Variants in DIP2C observed in about 807,000 individuals in gnomAD.
DIP2C encodes DIP2 acetate--CoA ligase C (putative), also known as disco-interacting protein 2 homolog C.
Under a neutral mutation model 192.4 loss-of-function variants are expected in DIP2C, and 33 were observed. That is an observed-to-expected ratio of 0.17 (90% confidence interval 0.13 to 0.23). The LOEUF is 0.23. Ranked by LOEUF, DIP2C falls within the 10% of genes least tolerant of loss-of-function variation. The pLI, the probability that DIP2C is intolerant of heterozygous loss-of-function variation, is 1.00. For synonymous variants in DIP2C, 979 were observed against 864.1 expected, an observed-to-expected ratio of 1.13 and a Z score of -2.33; for missense variants, 1,537 against 2,110.1, an observed-to-expected ratio of 0.73 and a Z score of 5.32.
At chr10:578,925 G>A (rs1467733394) in intron 1 of DIP2C, among the ~76,000 whole-genome samples, 1 of 151,202 alleles carries the variant, frequency 6.6e-6, no homozygotes, top group African/African-American at 2.4e-5. Flanking sequence ...GTGCACATAG[G>A]CACACTGTAA....
intron 1 of DIP2C, among the ~76,000 whole-genome samples, chr10:537,239 G>T (rs1237582555): frequency 6.6e-6 from 1 of 152,092 alleles, no homozygotes; most frequent in Admixed American, 6.5e-5. Flanking sequence ...CCGTATGAAG[G>T]AGGCAGTGGG....
intron 1 of DIP2C, among the ~76,000 whole-genome samples, chr10:580,435 G>A (rs1288137294): frequency 1.3e-5 from 2 of 152,088 alleles, no homozygotes; most frequent in African/African-American, 4.8e-5. Flanking sequence ...GTACATATAT[G>A]GCGTTAAATA....
In DIP2C at chr10:274,384, T is replaced by C. The variant is rs1954412536; in HGVS notation, c.*2941A>G. 1 of 152,244 alleles carries C rather than the reference T, an allele frequency of 6.6e-6. No homozygotes were observed. The highest frequency in any genetic ancestry group is 1.5e-5 in the Non-Finnish European group (1 of 68,032). The allele number at this position is 152,244 out of a possible 1,614,324, so 9.4% of individuals were successfully genotyped here. A position where few individuals can be genotyped will look rare whatever the true frequency, so the allele number is the denominator to read the frequency against. ...GTAAACAGAGTCAGATACATTTCCC[T>C]GTAGGAGTCACTTCCTTCCCGGGAT... On this transcript the variant is annotated 3_prime_UTR_variant, in exon 37 of 37. Transcript: ENST00000280886.
chr10:498,808 A>T (rs1845031984), intron 1 of DIP2C, among the ~76,000 whole-genome samples: 1 of 152,190 alleles, frequency 6.6e-6, no homozygotes, highest in Admixed American at 6.5e-5. Context: ...GCCTGAAAAA[A>T]GCTACTGCTG....
In DIP2C at chr10:414,028, C is replaced by G. The variant is rs188023406; in HGVS notation, c.942G>C (p.Thr314=). 2 of 1,614,138 alleles carry G rather than the reference C, an allele frequency of 1.2e-6. No individual in the cohort carries two copies. The highest frequency in any genetic ancestry group is 1.1e-5 in the South Asian group (1 of 91,072). ...AMRGEQLGVV[T]NWPPSLEAAL... Reference sequence around the variant, plus strand: ...CGGCCTCCAGCGACGGCGGCCAGTTCGTGACCACGCCCAGCTGCTCTCCGC... The same window carrying G: ...CGGCCTCCAGCGACGGCGGCCAGTTGGTGACCACGCCCAGCTGCTCTCCGC... The change falls in exon 8 of 37, where the codon ACG becomes ACC. Residue 314 remains threonine, a synonymous_variant. Coordinates refer to ENST00000280886, the MANE Select transcript of DIP2C (RefSeq NM_014974.3).
intron 1 of DIP2C, among the ~76,000 whole-genome samples, chr10:616,849 C>A (rs1367090618): frequency 6.6e-6 from 1 of 152,164 alleles, no homozygotes; most frequent in African/African-American, 2.4e-5. Flanking sequence ...GAGAGGCCGC[C>A]GTGGCCTCTA....
chr10:466,070 C>T lies in DIP2C; in HGVS notation c.268+6369G>A, dbSNP rs181219182. 8.9e-3 allele frequency among the ~76,000 whole-genome samples: 1,311 copies of T among 148,106 alleles called. 49 individuals carry two copies. In the East Asian group the frequency reaches 0.098, roughly 11 times the overall value. On this transcript the variant is annotated intron_variant, in intron 3 of 36. Transcript: ENST00000280886. ...GTTCATATGGAACCAAAAAAGAGCC[C>T]GCATCACCAAGTCAATCCTAAGCCA...
chr10:503,043 G>A (rs1462602279), intron 1 of DIP2C, among the ~76,000 whole-genome samples: 4 of 151,088 alleles, frequency 2.6e-5, no homozygotes, highest in Non-Finnish European at 4.4e-5. Context: ...ACTAACCTGC[G>A]GACTTACCAC....
chr10:560,869 C>G (rs1259060971), intron 1 of DIP2C, among the ~76,000 whole-genome samples: 1 of 152,128 alleles, frequency 6.6e-6, no homozygotes, highest in African/African-American at 2.4e-5. Context: ...AACTTAGACT[C>G]TTAGCCTGAC....
intron 32 of DIP2C, among the ~76,000 whole-genome samples, chr10:293,404 C>T (rs970871272): frequency 6.6e-6 from 1 of 152,104 alleles, no homozygotes; most frequent in Admixed American, 6.5e-5. Flanking sequence ...ATGAATGTGC[C>T]GCTGAAAAAA....
chr10:600,771 T>G (rs925044782), intron 1 of DIP2C, among the ~76,000 whole-genome samples: 6 of 152,234 alleles, frequency 3.9e-5, no homozygotes, highest in Non-Finnish European at 5.9e-5. Context: ...TGGAGGAGTA[T>G]CGTTGTGGAC....
chr10:485,967 G>A (rs1055530539), intron 2 of DIP2C, among the ~76,000 whole-genome samples: 5 of 152,312 alleles, frequency 3.3e-5, no homozygotes, highest in Admixed American at 6.5e-5. Flanking sequence ...AAACGCTGGC[G>A]GGAAACCGAC....
chr10:501,764 C>T (rs754475597), intron 1 of DIP2C, among the ~76,000 whole-genome samples: 2 of 152,094 alleles, frequency 1.3e-5, no homozygotes, highest in Non-Finnish European at 2.9e-5. Context: ...CAGGAATATG[C>T]GTTACACACC....
chr10:685,856 G>T (rs569038725), intron 1 of DIP2C, among the ~76,000 whole-genome samples: 225 of 152,198 alleles, frequency 1.5e-3, no homozygotes, highest in Non-Finnish European at 9.3e-4. Flanking sequence ...AGCTACTCAA[G>T]AAGCTGAGGC....
chr10:360,628 C>T (rs1959358094), intron 22 of DIP2C, among the ~76,000 whole-genome samples: 1 of 152,042 alleles, frequency 6.6e-6, no homozygotes, highest in Admixed American at 6.5e-5. Context: ...CAGACTCTTC[C>T]TGCTATTCGG....
At chr10:578,085 G>T (rs927280582) in intron 1 of DIP2C, among the ~76,000 whole-genome samples, 1 of 152,268 alleles carries the variant, frequency 6.6e-6, no homozygotes, top group Middle Eastern at 3.4e-3. Flanking sequence ...ATTTGGAAAT[G>T]TTTTGCACAA....
intron 1 of DIP2C, among the ~76,000 whole-genome samples, chr10:559,190 C>G (rs1849061963): frequency 1.3e-5 from 2 of 152,204 alleles, no homozygotes; most frequent in South Asian, 4.1e-4. Flanking sequence ...TTGGAGGCAG[C>G]TGTACATCTC....
intron 2 of DIP2C, among the ~76,000 whole-genome samples, chr10:474,102 C>A (rs927474803): frequency 1.3e-5 from 2 of 152,166 alleles, no homozygotes. Flanking sequence ...AAATGATCTT[C>A]AATTACCTTT....
chr10:452,335 C>CT (rs994052826), intron 3 of DIP2C, among the ~76,000 whole-genome samples: 23 of 152,166 alleles, frequency 1.5e-4, no homozygotes, highest in African/African-American at 4.8e-4. Flanking sequence ...GCTAAGGGGT[C>CT]TTCTCAGTGC....
Sources: gnomAD v4.1 joint callset for allele counts (sites outside exome capture counted in the v4.1 genomes callset) on GRCh38, gnomAD v4.1.1 for gene constraint, MANE v1.5 for transcripts, NCBI Gene and HGNC (gene_info 2026-07-23, HGNC 2026-07-21) for gene names.